AFAP1L1: variants seen among roughly 807,000 people sequenced by gnomAD.
AFAP1L1 encodes the protein actin filament-associated protein 1-like 1.
AFAP1L1 carries 77 observed loss-of-function variants against 99.8 expected under a neutral mutation model. The observed-to-expected ratio is 0.77, with a 90% CI of 0.64 to 0.93. The LOEUF is 0.93. Ranked by LOEUF, AFAP1L1 falls within the 40% of genes least tolerant of loss-of-function variation. The pLI is 0.00. For missense variants in AFAP1L1, 893 were observed against 996.8 expected (o/e 0.90, Z 1.40); for synonymous variants, 373 against 395.3 (o/e 0.94, Z 0.67).
At chr5:149,337,329 T>C (rs900018185) in intron 18 of AFAP1L1, among the ~76,000 whole-genome samples, 7 of 152,148 alleles carry the variant, frequency 4.6e-5, no homozygotes, top group Admixed American at 3.9e-4. Context: ...ACACAAATGA[T>C]AACTAGGTGA....
intron 12 of AFAP1L1, among the ~76,000 whole-genome samples, chr5:149,318,252 AC>A (rs1339464080): frequency 6.6e-6 from 1 of 152,254 alleles, no homozygotes; most frequent in African/African-American, 2.4e-5. Context: ...TTCAAATTAA[AC>A]AAAACATTCT....
At chr5:149,296,091 T>A (rs1215438516) in intron 1 of AFAP1L1, among the ~76,000 whole-genome samples, 1 of 152,182 alleles carries the variant, frequency 6.6e-6, no homozygotes. Flanking sequence ...TGAAATGCAG[T>A]GGCACAGTCA....
At chr5:149,336,846 T>A (rs931270322) in intron 18 of AFAP1L1, among the ~76,000 whole-genome samples, 2 of 152,076 alleles carry the variant, frequency 1.3e-5, no homozygotes, top group South Asian at 4.1e-4. Flanking sequence ...TCAACATCAG[T>A]TTTGGAGGGA....
At position 149,317,908 on chromosome 5, in the gene AFAP1L1, C is replaced by T. The variant is rs1360082739; in HGVS notation, c.1447C>T (p.Leu483=). ...CCGACACCCATTTGCCTTCAGGATCCTGCGCAACCGGCAGGAGGTGGCCAT... is the reference window on the plus strand; with the variant it reads ...CCGACACCCATTTGCCTTCAGGATCTTGCGCAACCGGCAGGAGGTGGCCAT... ...GPRHPFAFRI[L]RNRQEVAILE... The change falls in exon 12 of 19, where the codon CTG becomes TTG. Residue 483 remains leucine (L), a synonymous_variant. Transcript: ENST00000296721. 1 of 1,586,424 alleles carries T rather than the reference C, an allele frequency of 6.3e-7. No homozygotes were observed. Among genetic ancestry groups the T allele is most frequent in the East Asian group, 2.3e-5 (1 of 43,416 alleles).
intron 1 of AFAP1L1, among the ~76,000 whole-genome samples, chr5:149,272,891 C>T (rs969750031): frequency 6.6e-6 from 1 of 152,026 alleles, no homozygotes; most frequent in Non-Finnish European, 1.5e-5. Flanking sequence ...TTAACAGAGA[C>T]GGGGTTTCAC....
rs565674137 is a variant in AFAP1L1, at chr5:149,340,208, T to G, written c.*178T>G. On this transcript the variant is annotated 3_prime_UTR_variant, in exon 19 of 19. Transcript: ENST00000296721. ...TTAGGGGATATGGGGAGGGAACAAG[T>G]AGAAGGGAAGAGGGAAATGGAGAGC... 1.1e-5 allele frequency: 7 copies of G among 632,022 alleles called. No homozygotes were observed. The highest frequency in any genetic ancestry group is 8.5e-5 in the Admixed American group (3 of 35,188). 39.2% of individuals were successfully genotyped at this position (632,022 alleles called of 1,614,324 possible).
rs1218306692 is a variant in AFAP1L1 at position 149,301,519 on chromosome 5, A to G, written c.327+289A>G. On this transcript the variant is annotated intron_variant, in intron 4 of 18. Coordinates refer to ENST00000296721, the MANE Select transcript of AFAP1L1 (RefSeq NM_152406.4). ...TGAGCAGGGAGAATGTGGTGAACTT[A>G]CCTGTGCCCTCAGGCCCGAAGGACG... Among the ~76,000 whole-genome samples, 9 of 152,036 alleles carry G rather than the reference A, an allele frequency of 5.9e-5. 1 individual carries two copies. Among genetic ancestry groups the G allele is most frequent in the Admixed American group, 5.2e-4 (8 of 15,268 alleles).
rs552444652 is a variant in AFAP1L1, at chr5:149,320,575, G to A, written c.1698+112G>A. Reference sequence around the variant, plus strand: ...AAAGATCATTTTCATTTAAGCAGCAGTAGCTAGAAGGGGAGCCCCTTCTTA... The same window carrying A: ...AAAGATCATTTTCATTTAAGCAGCAATAGCTAGAAGGGGAGCCCCTTCTTA... On this transcript the variant is annotated intron_variant, in intron 14 of 18. Transcript: ENST00000296721. The surrounding 1 kb of genome is among the most constrained non-coding windows in gnomAD (Gnocchi z 4.0). 9 of 972,836 alleles carry A rather than the reference G, an allele frequency of 9.3e-6. No individual in the cohort carries two copies. The highest frequency in any genetic ancestry group is 1.4e-5 in the Non-Finnish European group (9 of 636,678). 60.3% of individuals were successfully genotyped at this position (972,836 alleles called of 1,614,324 possible).
At chr5:149,309,740 A>T (rs894594898) in intron 7 of AFAP1L1, among the ~76,000 whole-genome samples, 5 of 152,090 alleles carry the variant, frequency 3.3e-5, no homozygotes, top group African/African-American at 1.2e-4. Flanking sequence ...ATAGGTAGTT[A>T]TGACTGAAAA....
chr5:149,306,480 A>G, intron 6 of AFAP1L1, 76 bp downstream of exon 6: 1 of 1,359,216 alleles, frequency 7.4e-7, no homozygotes, highest in Non-Finnish European at 1.0e-6. Context: ...CCTGGCCCTT[A>G]GCATGGGTGT....
At chr5:149,326,967 A>G (rs184126276) in intron 15 of AFAP1L1, among the ~76,000 whole-genome samples, 2 of 152,286 alleles carry the variant, frequency 1.3e-5, no homozygotes, top group Admixed American at 1.3e-4. Context: ...ATAACAACCC[A>G]ACAACCCGGT....
intron 9 of AFAP1L1, among the ~76,000 whole-genome samples, chr5:149,314,513 G>A (rs1290993629): frequency 1.3e-5 from 2 of 152,144 alleles, no homozygotes; most frequent in Non-Finnish European, 2.9e-5. Flanking sequence ...TGTCACCATC[G>A]AGTTCTTTCC....
At chr5:149,272,604 G>T (rs2127585573) in intron 1 of AFAP1L1, among the ~76,000 whole-genome samples, 1 of 152,334 alleles carries the variant, frequency 6.6e-6, no homozygotes, top group African/African-American at 2.4e-5. Flanking sequence ...CAGTGTATTT[G>T]GTAGACGTTT....
At position 149,307,388 on chromosome 5, in the gene AFAP1L1, C is replaced by A. The variant is rs1415023868; in HGVS notation, c.536-14C>A. Reference sequence around the variant, plus strand: ...GATGGCACAGTGATGGATCCTTTCCCGTGACGCCTGCAGATAATGACTCTG... The same window carrying A: ...GATGGCACAGTGATGGATCCTTTCCAGTGACGCCTGCAGATAATGACTCTG... On this transcript the variant is annotated splice_polypyrimidine_tract_variant and intron_variant, in intron 6 of 18. Coordinates refer to ENST00000296721, the MANE Select transcript of AFAP1L1 (RefSeq NM_152406.4). 1 of 1,613,578 alleles carries A rather than the reference C, an allele frequency of 6.2e-7. No individual in the cohort carries two copies.
intron 16 of AFAP1L1, 112 bp downstream of exon 16, chr5:149,329,942 G>A: frequency 3.1e-6 from 3 of 964,440 alleles, no homozygotes; most frequent in Non-Finnish European, 4.3e-6. Context: ...AGAGAAGTGG[G>A]CTTCTCCTCC....
chr5:149,305,902 ACAC>A (rs1756393722), intron 5 of AFAP1L1, among the ~76,000 whole-genome samples: 8 of 151,774 alleles, frequency 5.3e-5, no homozygotes, highest in Admixed American at 3.9e-4. Context: ...ACACACACAC[ACAC>A]ACACACACAC....
chr5:149,304,672 A>G (rs1756340384), intron 5 of AFAP1L1, among the ~76,000 whole-genome samples: 1 of 152,200 alleles, frequency 6.6e-6, no homozygotes, highest in Admixed American at 6.5e-5. Flanking sequence ...CAGCCCTGCC[A>G]GGTGTCTGAG....
At chr5:149,299,792 T>A (rs867057320) in intron 2 of AFAP1L1, among the ~76,000 whole-genome samples, 155 bp downstream of exon 2, 1 of 149,330 alleles carries the variant, frequency 6.7e-6, no homozygotes, top group Non-Finnish European at 1.5e-5. Context: ...CAGCGTCCAA[T>A]GCATTCCATG....
intron 8 of AFAP1L1, 22 bp downstream of exon 8, chr5:149,310,157 T>G (rs964320149): frequency 8.3e-6 from 13 of 1,559,428 alleles, no homozygotes; most frequent in Non-Finnish European, 1.1e-5. Flanking sequence ...GCACCTGACC[T>G]TCCCGCCTTC....
Sources: gnomAD v4.1 joint callset for allele counts (sites outside exome capture counted in the v4.1 genomes callset) on GRCh38, gnomAD v4.1.1 for gene constraint, Gnocchi (gnomAD v3.1) non-coding constraint, MANE v1.5 for transcripts, NCBI Gene and HGNC (gene_info 2026-07-23, HGNC 2026-07-21) for gene names.